CSMD1: variants seen among roughly 807,000 people sequenced by gnomAD.
CSMD1 encodes CUB and sushi domain-containing protein 1.
In CSMD1, 213 loss-of-function variants were observed where a neutral mutation model predicts 417.5. The ratio of observed to expected loss-of-function variants is 0.51; its 90% confidence interval spans 0.46 to 0.57. The LOEUF is 0.57. Ranked by LOEUF, CSMD1 falls within the 20% of genes least tolerant of loss-of-function variation. The probability of loss-of-function intolerance (pLI) is 0.00; values close to 1 mark genes in which losing one functional copy is unlikely to be tolerated. For synonymous variants in CSMD1, 2,862 were observed against 1,736.8 expected (o/e 1.65, Z -16.11); for missense variants, 6,923 against 4,529.7 (o/e 1.53, Z -15.17).
chr8:3,109,017 C>T (rs1816332236), intron 43 of CSMD1, among the ~76,000 whole-genome samples: 1 of 152,178 alleles, frequency 6.6e-6, no homozygotes, highest in Admixed American at 6.5e-5. Flanking sequence ...GTCATCCCAG[C>T]ACTTTGGGAG....
intron 2 of CSMD1, among the ~76,000 whole-genome samples, chr8:4,576,407 G>C (rs1182551917): frequency 1.3e-5 from 2 of 152,202 alleles, no homozygotes; most frequent in South Asian, 2.1e-4. Flanking sequence ...CCCCAGACTA[G>C]ATTACCTCTT....
intron 1 of CSMD1, among the ~76,000 whole-genome samples, chr8:4,886,273 T>C (rs1803732858): frequency 6.6e-6 from 1 of 152,060 alleles, no homozygotes; most frequent in African/African-American, 2.4e-5. Flanking sequence ...TTCTGATCCG[T>C]TTTGAGCTTC....
intron 1 of CSMD1, among the ~76,000 whole-genome samples, chr8:4,786,153 C>G (rs543855820): frequency 6.6e-6 from 1 of 152,326 alleles, no homozygotes; most frequent in Non-Finnish European, 1.5e-5. Context: ...TTAACAGCCA[C>G]TTATGAGCCC....
intron 23 of CSMD1, among the ~76,000 whole-genome samples, chr8:3,324,433 C>T (rs1806379071): frequency 6.7e-6 from 1 of 148,346 alleles, no homozygotes; most frequent in Admixed American, 6.7e-5. Flanking sequence ...CACACCTAAT[C>T]CTCAGAGACC....
chr8:4,796,941 G>A (rs936934082), intron 1 of CSMD1, among the ~76,000 whole-genome samples: 11 of 152,186 alleles, frequency 7.2e-5, no homozygotes, highest in Non-Finnish European at 5.9e-5. Flanking sequence ...GGAGGGGGCA[G>A]GACAGAGCGG....
At position 3,171,390 on chromosome 8, in the gene CSMD1, T is replaced by C. The variant is rs578253674; in HGVS notation, c.5726-9113A>G. The stretch of plus-strand genomic sequence containing the variant: ...TTTCCCTTTTTAACACTCAAAACTT[T>C]ACTCACCACCCATCTCAATCCCACT... On this transcript the variant is annotated intron_variant, in intron 37 of 69. Transcript: ENST00000635120. 1.3e-4 allele frequency among the ~76,000 whole-genome samples: 20 copies of C among 152,318 alleles called. No individual in the cohort carries two copies. The East Asian group carries it at 3.9e-3, about 29-fold the overall frequency.
chr8:4,954,326 A>G (rs1369092562), intron 1 of CSMD1, among the ~76,000 whole-genome samples: 1 of 152,178 alleles, frequency 6.6e-6, no homozygotes, highest in African/African-American at 2.4e-5. Context: ...GAAGCTTGTT[A>G]TTTAAAAAGG....
chr8:4,748,982 T>C (rs1055158888), intron 1 of CSMD1, among the ~76,000 whole-genome samples: 1 of 152,246 alleles, frequency 6.6e-6, no homozygotes, highest in Non-Finnish European at 1.5e-5. Context: ...TCTAAGCTAC[T>C]GGCATTAATT....
At chr8:4,172,102 C>T (rs1332558545) in intron 3 of CSMD1, among the ~76,000 whole-genome samples, 1 of 152,074 alleles carries the variant, frequency 6.6e-6, no homozygotes. Context: ...GAGAGTTTAT[C>T]ATGCGGATCA....
At chr8:3,897,772 G>A (rs550113002) in intron 5 of CSMD1, among the ~76,000 whole-genome samples, 1 of 152,204 alleles carries the variant, frequency 6.6e-6, no homozygotes, top group African/African-American at 2.4e-5. Context: ...GATATCATTT[G>A]CTTTCCTTTG....
At chr8:3,399,786 G>T (rs897253603) in intron 15 of CSMD1, among the ~76,000 whole-genome samples, 2 of 152,142 alleles carry the variant, frequency 1.3e-5, no homozygotes, top group African/African-American at 4.8e-5. Context: ...AGTTCTCTGT[G>T]CTAACTGAAT....
intron 5 of CSMD1, among the ~76,000 whole-genome samples, chr8:3,796,425 T>C (rs1393959383): frequency 1.7e-5 from 2 of 114,288 alleles, no homozygotes; most frequent in East Asian, 2.7e-4. Flanking sequence ...CTATCATGTA[T>C]AGATATATAT....
At chr8:3,242,891 C>A (rs917354367) in intron 26 of CSMD1, among the ~76,000 whole-genome samples, 1 of 151,746 alleles carries the variant, frequency 6.6e-6, no homozygotes, top group African/African-American at 2.4e-5. Context: ...GAGGTTGGGG[C>A]GTGGAAATAA....
intron 3 of CSMD1, among the ~76,000 whole-genome samples, chr8:4,258,359 G>GA (rs1563348013): frequency 3.2e-5 from 1 of 31,440 alleles, no homozygotes. Flanking sequence ...GAAAGAGAAG[G>GA]AGGGAAGGAG....
intron 2 of CSMD1, among the ~76,000 whole-genome samples, chr8:4,597,702 A>G (rs1800361309): frequency 6.6e-6 from 1 of 152,150 alleles, no homozygotes; most frequent in Admixed American, 6.6e-5. Context: ...ACTCCTTTGG[A>G]CCATCATGTT....
At chr8:4,104,485 G>C (rs186655861) in intron 3 of CSMD1, among the ~76,000 whole-genome samples, 19 of 152,286 alleles carry the variant, frequency 1.2e-4, no homozygotes, top group Non-Finnish European at 2.5e-4. Context: ...TGACTCTATT[G>C]AATTTTCTTG....
intron 5 of CSMD1, among the ~76,000 whole-genome samples, chr8:3,923,883 T>C (rs1313730157): frequency 6.6e-6 from 1 of 152,206 alleles, no homozygotes; most frequent in African/African-American, 2.4e-5. Flanking sequence ...TCTTTGCTTG[T>C]AGCTATTTTT....
chr8:4,980,383 C>T (rs370397173), intron 1 of CSMD1, among the ~76,000 whole-genome samples: 35 of 152,056 alleles, frequency 2.3e-4, no homozygotes, highest in East Asian at 7.8e-4. Flanking sequence ...GCAATAGAGG[C>T]GGAGTGAGAT....
chr8:4,909,015 G>A (rs963043524), intron 1 of CSMD1, among the ~76,000 whole-genome samples: 2 of 152,144 alleles, frequency 1.3e-5, no homozygotes, highest in Non-Finnish European at 2.9e-5. Context: ...AGGCTGACAT[G>A]TATTGGTTAA....
Sources: allele counts gnomAD v4.1 joint callset (sites outside exome capture counted in the v4.1 genomes callset), GRCh38; gene constraint gnomAD v4.1.1; transcripts MANE v1.5; gene names NCBI Gene and HGNC (gene_info 2026-07-23, HGNC 2026-07-21).